The following CCT2 variants were observed in gnomAD, a reference collection of about 807,000 sequenced individuals.
CCT2 encodes chaperonin containing TCP1 subunit 2.
In CCT2, 18 loss-of-function variants were observed where a neutral mutation model predicts 61.8. That is an observed-to-expected ratio of 0.29 (90% CI 0.20 to 0.43). The LOEUF (loss-of-function observed/expected upper bound fraction) is 0.43, where lower values mean the gene tolerates loss of function less well. Among genes scored for constraint, CCT2 ranks in the 20% least tolerant of loss-of-function variants. The pLI, the probability that CCT2 is intolerant of heterozygous loss-of-function variation, is 1.00. For missense variants in CCT2, 556 were observed against 656.9 expected (o/e 0.85, Z 1.68); for synonymous variants, 248 against 215.9 (o/e 1.15, Z -1.30).
rs1024057220 is a variant in CCT2, at chr12:69,599,231, A to G, written c.1436-632A>G. ...CTTCCAAGTAGTTAGGGCTAAAGGC[A>G]TGTGCCACAATGCCTGACTAAATTA... On this transcript the variant is annotated intron_variant, in intron 14 of 15. Coordinates refer to ENST00000299300, the MANE Select transcript of CCT2 (RefSeq NM_006431.3). 2.6e-5 allele frequency among the ~76,000 whole-genome samples: 4 copies of G among 151,968 alleles called. No individual in the cohort carries two copies. The South Asian group carries it at 8.3e-4, about 32-fold the overall frequency.
chr12:69,592,888 A>G (rs1881877261), intron 8 of CCT2, 88 bp from the exon 9 acceptor site: 9 of 1,281,602 alleles, frequency 7.0e-6, no homozygotes, highest in Non-Finnish European at 8.6e-6. Flanking sequence ...AGATTGCCCC[A>G]CTGCACTCCA....
chr12:69,593,165 T>C, intron 9 of CCT2, 62 bp downstream of exon 9: 1 of 1,422,848 alleles, frequency 7.0e-7, no homozygotes, highest in Non-Finnish European at 9.7e-7. Context: ...ACTTCATATT[T>C]ACTTATATTG....
At chr12:69,595,793 ATGT>A (rs36011898) in intron 10 of CCT2, among the ~76,000 whole-genome samples, 27,687 of 152,148 alleles carry the variant, frequency 0.18, 2,757 homozygotes, top group Middle Eastern at 0.29. Context: ...ACCCAGAAGA[ATGT>A]TTATTAAGTA....
At chr12:69,597,594 C>T in intron 11 of CCT2, 44 bp from the exon 12 acceptor site, 2 of 1,597,018 alleles carry the variant, frequency 1.3e-6, no homozygotes, top group Non-Finnish European at 1.7e-6. Context: ...TAATAGAAGG[C>T]AAACTTTTTA....
chr12:69,599,549 G>C (rs1424984186), intron 14 of CCT2, among the ~76,000 whole-genome samples: 1 of 151,772 alleles, frequency 6.6e-6, no homozygotes, highest in African/African-American at 2.4e-5. Context: ...CACCATGCCC[G>C]GCTAATTTTT....
At chr12:69,591,208 G>C (rs1172863371) in intron 7 of CCT2, among the ~76,000 whole-genome samples, 1 of 152,146 alleles carries the variant, frequency 6.6e-6, no homozygotes, top group African/African-American at 2.4e-5. Flanking sequence ...GAAAACCCAA[G>C]ATAATGGTGG....
At chr12:69,591,285 G>T (rs1320469943) in intron 7 of CCT2, among the ~76,000 whole-genome samples, 6 of 152,180 alleles carry the variant, frequency 3.9e-5, no homozygotes, top group African/African-American at 1.4e-4. Context: ...TACTGGGTTT[G>T]TATGATGGTT....
At chr12:69,590,102 A>G (rs1199371447) in intron 7 of CCT2, among the ~76,000 whole-genome samples, 1 of 152,198 alleles carries the variant, frequency 6.6e-6, no homozygotes, top group Non-Finnish European at 1.5e-5. Flanking sequence ...ATGTAGGTTC[A>G]CAATGCAGGT....
intron 14 of CCT2, among the ~76,000 whole-genome samples, chr12:69,599,279 G>C (rs962955979): frequency 1.3e-5 from 2 of 151,378 alleles, no homozygotes. Context: ...TAGAGATGGG[G>C]GGGCAGTCTC....
At chr12:69,595,877 G>A (rs1272033044) in intron 10 of CCT2, among the ~76,000 whole-genome samples, 1 of 152,146 alleles carries the variant, frequency 6.6e-6, no homozygotes, top group East Asian at 1.9e-4. Context: ...GTTGTCAAAG[G>A]TGTATGATGA....
intron 10 of CCT2, among the ~76,000 whole-genome samples, chr12:69,596,326 CAGTA>C (rs974610630): frequency 6.6e-6 from 1 of 152,084 alleles, no homozygotes; most frequent in African/African-American, 2.4e-5. Flanking sequence ...ACAGATTTAT[CAGTA>C]AGGCATAGGA....
chr12:69,593,982 A>G (rs1049549600), intron 10 of CCT2, among the ~76,000 whole-genome samples: 12 of 151,950 alleles, frequency 7.9e-5, no homozygotes, highest in Non-Finnish European at 1.8e-4. Flanking sequence ...TACAAAAAAA[A>G]AAAATTGGCC....
At chr12:69,588,800 G>A (rs947978202) in intron 6 of CCT2, among the ~76,000 whole-genome samples, 1 of 152,198 alleles carries the variant, frequency 6.6e-6, no homozygotes, top group African/African-American at 2.4e-5. Context: ...AGCAGCAGGT[G>A]GAAAAATTGT....
At position 69,598,031 on chromosome 12, in the gene CCT2, A is replaced by G. The variant is rs1294269988; in HGVS notation, c.1295A>G (p.Glu432Gly). 6.2e-7 allele frequency: 1 copy of G among 1,613,964 alleles called. No individual in the cohort carries two copies. The highest frequency in any genetic ancestry group is 1.7e-5 in the Admixed American group (1 of 60,014). Residue 432 changes from glutamate (E) to glycine (G), a missense_variant, in exon 13 of 16, where the codon GAA becomes GGA. Glu to Gly is a moderately conservative substitution (Grantham distance 98). This residue lies in a region of CCT2 where 225 missense variants were observed against 249.8 expected (regional missense o/e 0.90). Coordinates refer to ENST00000299300, the MANE Select transcript of CCT2 (RefSeq NM_006431.3). ...CTTGCCAATAGAACACCAGGCAAAG[A>G]AGCTGTTGCAATGGAGTCTTATGCT... ...TQLANRTPGK[E>G]AVAMESYAKA... is the part of the protein sequence containing the mutation.
intron 13 of CCT2, 116 bp downstream of exon 13, chr12:69,598,187 C>T (rs1882046554): frequency 5.0e-6 from 5 of 991,124 alleles, no homozygotes; most frequent in South Asian, 1.6e-5. Flanking sequence ...GGAGTTTCTC[C>T]TCTTCGTGAG....
At chr12:69,594,845 T>TGAAAA (rs1565801185) in intron 10 of CCT2, among the ~76,000 whole-genome samples, 1 of 123,520 alleles carries the variant, frequency 8.1e-6, no homozygotes, top group Admixed American at 8.5e-5. Flanking sequence ...GACCCTGTCT[T>TGAAAA]TAAAAAAAAA....
chr12:69,598,194 T>C, intron 13 of CCT2, 123 bp downstream of exon 13: 1 of 978,800 alleles, frequency 1.0e-6, no homozygotes, highest in Non-Finnish European at 1.5e-6. Context: ...CTCCTCTTCG[T>C]GAGCAGTAAC....
At chr12:69,591,705 C>G (rs1411936279) in intron 7 of CCT2, among the ~76,000 whole-genome samples, 1 of 152,154 alleles carries the variant, frequency 6.6e-6, no homozygotes, top group African/African-American at 2.4e-5. Flanking sequence ...TGTAATAACT[C>G]TTCTAGTGGG....
At position 69,586,781 on chromosome 12, in the gene CCT2, G is replaced by A; in HGVS notation, c.107G>A (p.Gly36Glu). Residue 36 changes from glycine to glutamate, a missense_variant, in exon 3 of 16, where the codon GGA becomes GAA. Around this residue, in one of 3 missense-constraint regions of CCT2, gnomAD observed 308 missense variants for 350.6 expected, o/e 0.88. Transcript: ENST00000299300. ...TCTTTTATTGGTGCCATCGCCATTG[G>A]AGACTTGGTAAAGAGCACCTTGGGA... The part of the protein sequence containing the change: ...LTSFIGAIAI[G>E]DLVKSTLGPK... The A allele has an allele frequency of 6.2e-7, 1 of 1,601,562 alleles. No individual in the cohort carries two copies. Among genetic ancestry groups the A allele is most frequent in the South Asian group, 1.1e-5 (1 of 87,890 alleles).
Sources: allele counts gnomAD v4.1 joint callset (sites outside exome capture counted in the v4.1 genomes callset), GRCh38; gene constraint gnomAD v4.1.1; regional missense constraint gnomAD v4.1.1; transcripts MANE v1.5; gene names NCBI Gene and HGNC (gene_info 2026-07-23, HGNC 2026-07-21).